The following PRLR variants were observed in gnomAD, a reference collection of about 807,000 sequenced individuals.
PRLR encodes the protein prolactin receptor.
PRLR carries 13 observed loss-of-function variants against 40.2 expected under a neutral mutation model. The ratio of observed to expected loss-of-function variants is 0.32; its 90% CI spans 0.21 to 0.51. The LOEUF (loss-of-function observed/expected upper bound fraction) is 0.51, where lower values mean the gene tolerates loss of function less well. Among genes scored for constraint, PRLR ranks in the 20% least tolerant of loss-of-function variants. The pLI is 0.97. For synonymous variants in PRLR, 269 were observed against 278.7 expected (o/e 0.97, Z 0.35); for missense variants, 656 against 747.3 (o/e 0.88, Z 1.42).
chr5:35,230,435 G>A lies in PRLR; in HGVS notation c.-273C>T, dbSNP rs1390320773. 1 of 152,270 alleles carries A rather than the reference G, an allele frequency of 6.6e-6. No individual in the cohort carries two copies. The highest frequency in any genetic ancestry group is 1.9e-4 in the East Asian group (1 of 5,190). The allele number at this position is 152,270 out of a possible 1,614,324, so 9.4% of individuals were successfully genotyped here. On this transcript the variant is annotated 5_prime_UTR_variant, in exon 1 of 10. Transcript: ENST00000618457. The stretch of plus-strand genomic sequence containing the variant: ...CCAGCCCAGAAAACCGGCGTCTGGG[G>A]ATTTCAGCCTCCGCTCCCCGGTCCC...
intron 1 of PRLR, among the ~76,000 whole-genome samples, chr5:35,141,887 G>A (rs1053605774): frequency 8.5e-5 from 13 of 152,144 alleles, no homozygotes; most frequent in African/African-American, 1.2e-4. Context: ...GTTACATTGC[G>A]TGTTCATTTT....
At chr5:35,143,302 C>T (rs1003711767) in intron 1 of PRLR, among the ~76,000 whole-genome samples, 1 of 152,136 alleles carries the variant, frequency 6.6e-6, no homozygotes, top group African/African-American at 2.4e-5. Context: ...ACTTTATTTA[C>T]AAAAATGGTT....
chr5:35,168,995 G>C (rs556652069), intron 1 of PRLR, among the ~76,000 whole-genome samples: 1 of 152,144 alleles, frequency 6.6e-6, no homozygotes, highest in East Asian at 1.9e-4. Flanking sequence ...GGGTGATTAT[G>C]GGGCAGAGGA....
chr5:35,201,960 G>C (rs534136795), intron 1 of PRLR, among the ~76,000 whole-genome samples: 3 of 152,100 alleles, frequency 2.0e-5, no homozygotes, highest in African/African-American at 7.2e-5. Flanking sequence ...CAATACCAAC[G>C]TAAGTAGAAT....
intron 1 of PRLR, among the ~76,000 whole-genome samples, chr5:35,160,669 T>A (rs1400406760): frequency 6.6e-6 from 1 of 152,196 alleles, no homozygotes; most frequent in Non-Finnish European, 1.5e-5. Context: ...TTTTGAGATA[T>A]GTTTTCAGGT....
At chr5:35,162,009 G>C (rs560877967) in intron 1 of PRLR, among the ~76,000 whole-genome samples, 1 of 152,286 alleles carries the variant, frequency 6.6e-6, no homozygotes, top group Admixed American at 6.5e-5. Flanking sequence ...AGCTGCTATG[G>C]ATTTAGCACT....
chr5:35,125,768 A>G (rs746199931), intron 1 of PRLR, among the ~76,000 whole-genome samples: 1 of 152,240 alleles, frequency 6.6e-6, no homozygotes, highest in Non-Finnish European at 1.5e-5. Context: ...AGGATTATTT[A>G]AGATCAGTAG....
rs539627589 is a variant in PRLR, at chr5:35,216,037, C to CA, written c.-106+14230dup. On this transcript the variant is annotated intron_variant, in intron 1 of 9. Transcript: ENST00000618457. ...TGGGTGACAGAAAAAGACTCTGTCT[C>CA]AAAAAAAAACAAAAGGGAAAAGAAA... Among the ~76,000 whole-genome samples the CA allele has an allele frequency of 2.0e-3, 276 of 136,200 alleles. 3 individuals carry two copies. Among genetic ancestry groups the CA allele is most frequent in the Admixed American group, 6.3e-3 (85 of 13,430 alleles). The allele number at this position is 136,200 out of a possible 152,430, so 89.4% of individuals were successfully genotyped here. A position where few individuals can be genotyped will look rare whatever the true frequency, so the allele number is the denominator to read the frequency against.
chr5:35,090,576 T>C (rs1389681707), intron 2 of PRLR, among the ~76,000 whole-genome samples: 1 of 149,602 alleles, frequency 6.7e-6, no homozygotes, highest in East Asian at 2.0e-4. Flanking sequence ...ATTTTTATTG[T>C]TTCATTTTGT....
intron 1 of PRLR, among the ~76,000 whole-genome samples, chr5:35,144,320 T>C (rs1299153915): frequency 1.3e-5 from 2 of 152,182 alleles, no homozygotes; most frequent in Non-Finnish European, 2.9e-5. Flanking sequence ...ACAGAACAAG[T>C]GAAAGGGGCT....
At chr5:35,219,442 A>G (rs2111668394) in intron 1 of PRLR, among the ~76,000 whole-genome samples, 1 of 152,344 alleles carries the variant, frequency 6.6e-6, no homozygotes, top group African/African-American at 2.4e-5. Flanking sequence ...GAAGGACTAA[A>G]TGAGTTAAAA....
At chr5:35,193,631 C>A (rs1273538612) in intron 1 of PRLR, among the ~76,000 whole-genome samples, 1 of 152,166 alleles carries the variant, frequency 6.6e-6, no homozygotes, top group African/African-American at 2.4e-5. Flanking sequence ...CTGAGAGCTA[C>A]CCCCTACCAC....
intron 1 of PRLR, among the ~76,000 whole-genome samples, chr5:35,129,576 G>T (rs151126692): frequency 6.6e-6 from 1 of 152,088 alleles, no homozygotes; most frequent in African/African-American, 2.4e-5. Context: ...TGGACCTCAA[G>T]TCTGAAAAGA....
chr5:35,105,837 C>G (rs1233342175), intron 2 of PRLR, among the ~76,000 whole-genome samples: 4 of 152,184 alleles, frequency 2.6e-5, no homozygotes, highest in African/African-American at 9.7e-5. Context: ...CCCAACCTAG[C>G]AAGGCAGGCC....
At chr5:35,142,319 C>T (rs1377876924) in intron 1 of PRLR, among the ~76,000 whole-genome samples, 1 of 152,072 alleles carries the variant, frequency 6.6e-6, no homozygotes, top group Non-Finnish European at 1.5e-5. Context: ...CCAAGCATAT[C>T]CGGGATTTTT....
chr5:35,075,825 C>G (rs1770055534), intron 5 of PRLR, among the ~76,000 whole-genome samples: 2 of 152,166 alleles, frequency 1.3e-5, no homozygotes, highest in African/African-American at 4.8e-5. Context: ...CCCAGGTGCC[C>G]CTCTGAGATG....
At chr5:35,167,572 A>C (rs1003979931) in intron 1 of PRLR, among the ~76,000 whole-genome samples, 8 of 152,108 alleles carry the variant, frequency 5.3e-5, no homozygotes, top group Non-Finnish European at 1.0e-4. Context: ...AGTTCATTGA[A>C]AACAGTAAAT....
intron 1 of PRLR, among the ~76,000 whole-genome samples, chr5:35,165,425 C>A (rs1561343257): frequency 6.6e-6 from 1 of 152,200 alleles, no homozygotes; most frequent in African/African-American, 2.4e-5. Flanking sequence ...TTACACCATT[C>A]AAAAATTGCT....
chr5:35,203,686 C>T (rs1449314231), intron 1 of PRLR, among the ~76,000 whole-genome samples: 1 of 152,124 alleles, frequency 6.6e-6, no homozygotes, highest in Non-Finnish European at 1.5e-5. Flanking sequence ...ACTTGTCAAA[C>T]ATCCATTACA....
Sources: allele counts gnomAD v4.1 joint callset (sites outside exome capture counted in the v4.1 genomes callset), GRCh38; gene constraint gnomAD v4.1.1; transcripts MANE v1.5; gene names NCBI Gene and HGNC (gene_info 2026-07-23, HGNC 2026-07-21).